Variants in PCDH15 observed in about 807,000 individuals in gnomAD.
PCDH15 encodes the protein protocadherin related 15.
In PCDH15, 129 loss-of-function variants were observed where a neutral mutation model predicts 178.5. The ratio of observed to expected loss-of-function variants is 0.72; its 90% CI spans 0.63 to 0.84. PCDH15 has a LOEUF of 0.84. Ranked by LOEUF, PCDH15 falls within the 40% of genes least tolerant of loss-of-function variation. PCDH15 has a pLI of 0.00. For missense variants in PCDH15, 2,230 were observed against 2,099.9 expected, an observed-to-expected ratio of 1.06 and a Z score of -1.21; for synonymous variants, 800 against 732.0, an observed-to-expected ratio of 1.09 and a Z score of -1.50.
chr10:55,341,789 ATATATATATATATATATTTTTTTTTT>A lies in PCDH15; in HGVS notation c.-155-175164_-155-175139del, dbSNP rs1420891185. ...TATATATATATATATATATATATAT[ATATATATATATATATATTTTTTTTTT>A]TTTTTTTTTTTTTTTTAGTAGAGAT... On this transcript the variant is annotated intron_variant, in intron 2 of 5. Coordinates refer to the PCDH15 transcript ENST00000613346. 2.6e-3 allele frequency among the ~76,000 whole-genome samples: 54 copies of A among 20,822 alleles called. 1 individual carries two copies. The highest frequency in any genetic ancestry group is 5.8e-3 in the African/African-American group (33 of 5,686). The allele number at this position is 20,822 out of a possible 152,430, so 13.7% of individuals were successfully genotyped here.
intron 2 of PCDH15, among the ~76,000 whole-genome samples, chr10:54,617,333 G>C (rs2093197793): frequency 6.6e-6 from 1 of 152,022 alleles, no homozygotes; most frequent in African/African-American, 2.4e-5. Context: ...GTAAAATGTA[G>C]CACTTTCGTA....
intron 2 of PCDH15, among the ~76,000 whole-genome samples, chr10:55,527,647 A>ATAAG (rs1841331793): frequency 6.6e-6 from 1 of 151,942 alleles, no homozygotes; most frequent in Non-Finnish European, 1.5e-5. Context: ...TTTCTTTCTT[A>ATAAG]TTAAGTCAAA....
At chr10:55,327,212 C>T (rs59496072) in intron 2 of PCDH15, among the ~76,000 whole-genome samples, 1,814 of 152,172 alleles carry the variant, frequency 0.012, 50 homozygotes, top group African/African-American at 0.042. Flanking sequence ...ATTACAAAGT[C>T]AGCCATCTAT....
rs866993883 is a variant in PCDH15, at chr10:54,332,289, C to A, written c.595-2583G>T. ...ATTATTATATATAATATAATATAAT[C>A]TATATTACATATTATTATATATAAT... is the stretch of plus-strand genomic sequence containing the variant. On this transcript the variant is annotated intron_variant, in intron 6 of 37. Coordinates refer to ENST00000644397, the MANE Select transcript of PCDH15 (RefSeq NM_001384140.1). Among the ~76,000 whole-genome samples the A allele has an allele frequency of 2.4e-3, 236 of 98,700 alleles. 2 individuals carry two copies. The highest frequency in any genetic ancestry group is 4.3e-3 in the Non-Finnish European group (198 of 46,208). The allele number at this position is 98,700 out of a possible 152,430, so 64.8% of individuals were successfully genotyped here. A position where few individuals can be genotyped will look rare whatever the true frequency, so the allele number is the denominator to read the frequency against.
chr10:54,356,310 C>T (rs1008772189), intron 5 of PCDH15, among the ~76,000 whole-genome samples: 3 of 151,656 alleles, frequency 2.0e-5, no homozygotes, highest in Non-Finnish European at 4.4e-5. Context: ...CTCCTCTGGT[C>T]CTGAAAAATA....
At chr10:54,123,943 T>A (rs190886978) in intron 15 of PCDH15, among the ~76,000 whole-genome samples, 35 of 152,210 alleles carry the variant, frequency 2.3e-4, no homozygotes, top group African/African-American at 7.5e-4. Context: ...AAGTGAGAAC[T>A]AAATGGTGCA....
chr10:55,382,456 A>C (rs1021036355), intron 2 of PCDH15, among the ~76,000 whole-genome samples: 14 of 152,176 alleles, frequency 9.2e-5, no homozygotes, highest in Non-Finnish European at 4.4e-5. Context: ...TTGTTGGTAG[A>C]TTTTAAGATG....
intron 3 of PCDH15, among the ~76,000 whole-genome samples, chr10:54,401,753 T>C (rs755892637): frequency 2.0e-5 from 3 of 151,886 alleles, no homozygotes; most frequent in Non-Finnish European, 1.5e-5. Context: ...AAGAATTAAG[T>C]CTAAAACATA....
At chr10:55,318,998 G>A (rs1419827862) in intron 1 of PCDH15, among the ~76,000 whole-genome samples, 1 of 151,888 alleles carries the variant, frequency 6.6e-6, no homozygotes, top group Non-Finnish European at 1.5e-5. Context: ...ATTTGTAGTA[G>A]TTTGGAGTTA....
chr10:54,998,395 T>C (rs1839702823), intron 2 of PCDH15, among the ~76,000 whole-genome samples: 1 of 151,572 alleles, frequency 6.6e-6, no homozygotes, highest in Admixed American at 6.6e-5. Flanking sequence ...TAAATAATAA[T>C]AAAAAAAAGA....
intron 2 of PCDH15, among the ~76,000 whole-genome samples, chr10:54,602,625 T>G (rs1180160821): frequency 6.6e-6 from 1 of 152,024 alleles, no homozygotes; most frequent in Non-Finnish European, 1.5e-5. Context: ...ATTATTGTGA[T>G]GAGGTAGGTT....
intron 8 of PCDH15, among the ~76,000 whole-genome samples, chr10:54,313,131 T>A (rs540981868): frequency 2.0e-5 from 3 of 152,134 alleles, no homozygotes; most frequent in East Asian, 1.9e-4. Flanking sequence ...TTCAAAAAAA[T>A]ATTTATTGAT....
chr10:54,979,455 C>T (rs1040899651), intron 2 of PCDH15, among the ~76,000 whole-genome samples: 6 of 151,968 alleles, frequency 3.9e-5, no homozygotes, highest in South Asian at 2.1e-4. Flanking sequence ...AATCACCTGA[C>T]GTCAGGAGTT....
At position 54,207,364 on chromosome 10, in the gene PCDH15, TTGTGTGTGTGTGTATG is replaced by T. The variant is rs1427159864; in HGVS notation, c.1098+6556_1098+6571del. On this transcript the variant is annotated intron_variant, in intron 10 of 37. Transcript: ENST00000644397. ...GAAGAAACACAAATACTGTTTTGTT[TTGTGTGTGTGTGTATG>T]TGTGTGTGTGTGTGTGTGTGTGTGT... Among the ~76,000 whole-genome samples the T allele has an allele frequency of 7.5e-3, 660 of 87,544 alleles. 8 individuals are homozygous for T. The highest frequency in any genetic ancestry group is 0.017 in the African/African-American group (299 of 17,802). 57.4% of individuals were successfully genotyped at this position (87,544 alleles called of 152,430 possible). A position where few individuals can be genotyped will look rare whatever the true frequency, so the allele number is the denominator to read the frequency against.
intron 3 of PCDH15, among the ~76,000 whole-genome samples, chr10:54,399,003 T>C (rs1951594350): frequency 6.6e-6 from 1 of 152,164 alleles, no homozygotes; most frequent in African/African-American, 2.4e-5. Context: ...TCTGGCTTTC[T>C]TAAAAGTGAT....
intron 21 of PCDH15, among the ~76,000 whole-genome samples, chr10:53,973,957 C>A (rs1189973915): frequency 6.6e-6 from 1 of 152,074 alleles, no homozygotes; most frequent in African/African-American, 2.4e-5. Flanking sequence ...GAGCTGAAAA[C>A]GTTGCCAACA....
intron 7 of PCDH15, among the ~76,000 whole-genome samples, chr10:54,326,431 T>C (rs1165022301): frequency 1.3e-5 from 2 of 152,162 alleles, no homozygotes; most frequent in Non-Finnish European, 2.9e-5. Flanking sequence ...GCAATTCCAT[T>C]TTTAATTACT....
intron 15 of PCDH15, among the ~76,000 whole-genome samples, chr10:54,090,367 G>A (rs1190512503): frequency 6.6e-6 from 1 of 152,102 alleles, no homozygotes; most frequent in East Asian, 1.9e-4. Flanking sequence ...TGCTGGCTGG[G>A]CACAGTGGCT....
chr10:54,509,511 T>C (rs2081459007), intron 3 of PCDH15, among the ~76,000 whole-genome samples: 1 of 152,162 alleles, frequency 6.6e-6, no homozygotes. Flanking sequence ...GTATTGATTG[T>C]ACAGCTTATT....
Sources: gnomAD v4.1 joint callset for allele counts (sites outside exome capture counted in the v4.1 genomes callset) on GRCh38, gnomAD v4.1.1 for gene constraint, MANE v1.5 for transcripts, NCBI Gene and HGNC (gene_info 2026-07-23, HGNC 2026-07-21) for gene names.